Variants in DCC observed in about 807,000 individuals in gnomAD.
DCC encodes netrin receptor DCC.
In DCC, 58 loss-of-function variants were observed where a neutral mutation model predicts 172.5. That is an observed-to-expected ratio of 0.34 (90% CI 0.27 to 0.42). The LOEUF is 0.42. Ranked by LOEUF, DCC falls within the 10% of genes least tolerant of loss-of-function variation. The pLI is 1.00. For missense variants in DCC, 1,740 were observed against 1,791.0 expected, an observed-to-expected ratio of 0.97 and a Z score of 0.51; for synonymous variants, 709 against 644.5, an observed-to-expected ratio of 1.10 and a Z score of -1.52.
chr18:53,122,584 A>G (rs2043498318), intron 7 of DCC, among the ~76,000 whole-genome samples: 1 of 152,040 alleles, frequency 6.6e-6, no homozygotes, highest in African/African-American at 2.4e-5. Flanking sequence ...CTTGGAAAAC[A>G]TGTAGTAAAC....
intron 12 of DCC, among the ~76,000 whole-genome samples, chr18:53,284,831 C>T (rs970413793): frequency 6.6e-6 from 1 of 152,150 alleles, no homozygotes; most frequent in Non-Finnish European, 1.5e-5. Context: ...ACAATGAAAT[C>T]AGGCTGAGGT....
At chr18:53,506,474 A>G (rs1333543231) in intron 27 of DCC, among the ~76,000 whole-genome samples, 1 of 152,202 alleles carries the variant, frequency 6.6e-6, no homozygotes, top group East Asian at 1.9e-4. Context: ...ACTTGAAACC[A>G]CAGCCCTCGG....
At chr18:52,552,145 T>TGATA (rs1314786394) in intron 1 of DCC, among the ~76,000 whole-genome samples, 2 of 151,920 alleles carry the variant, frequency 1.3e-5, no homozygotes, top group Admixed American at 1.3e-4. Context: ...AGTGGCGGAT[T>TGATA]GATAGGTAGG....
rs1430595199 is a variant in DCC, at chr18:53,238,994, T to G, written c.1911+23397T>G. On this transcript the variant is annotated intron_variant, in intron 12 of 28. Transcript: ENST00000442544. ...TCACTCATAGGTGGGAATTGAGCAA[T>G]GAGAACACCTGGACACAGGAAGGGG... Among the ~76,000 whole-genome samples, 8 of 129,420 alleles carry G rather than the reference T, an allele frequency of 6.2e-5. No homozygotes were observed. The Admixed American group carries it at 8.1e-4, about 13-fold the overall frequency. The allele number at this position is 129,420 out of a possible 152,430, so 84.9% of individuals were successfully genotyped here.
At chr18:53,485,374 AT>A (rs1364564323) in intron 25 of DCC, among the ~76,000 whole-genome samples, 1 of 152,054 alleles carries the variant, frequency 6.6e-6, no homozygotes, top group Non-Finnish European at 1.5e-5. Flanking sequence ...AAACCCAACA[AT>A]TTTTTACTGA....
At chr18:53,098,246 A>G (rs766275170) in intron 7 of DCC, among the ~76,000 whole-genome samples, 17 of 152,278 alleles carry the variant, frequency 1.1e-4, no homozygotes, top group Non-Finnish European at 2.4e-4. Flanking sequence ...GAAAAGTTGC[A>G]AGAATACTAC....
At chr18:52,545,459 A>G (rs1568222101) in intron 1 of DCC, among the ~76,000 whole-genome samples, 3 of 152,178 alleles carry the variant, frequency 2.0e-5, no homozygotes, top group African/African-American at 7.2e-5. Flanking sequence ...CACAGCCTCA[A>G]GCCGGTTCAG....
At chr18:52,633,039 A>G (rs1037277729) in intron 1 of DCC, among the ~76,000 whole-genome samples, 8 of 152,222 alleles carry the variant, frequency 5.3e-5, no homozygotes, top group African/African-American at 1.9e-4. Flanking sequence ...AAATAAATAA[A>G]TCAATGAAAA....
chr18:53,332,252 T>C (rs2057536907), intron 14 of DCC, among the ~76,000 whole-genome samples: 1 of 152,128 alleles, frequency 6.6e-6, no homozygotes, highest in Non-Finnish European at 1.5e-5. Flanking sequence ...ACATTCTTTT[T>C]CTATCTAGGC....
chr18:53,214,375 T>G (rs1408092974), intron 11 of DCC, among the ~76,000 whole-genome samples: 1 of 152,176 alleles, frequency 6.6e-6, no homozygotes, highest in Non-Finnish European at 1.5e-5. Context: ...CAGTAAATAT[T>G]AATTGAATGT....
At chr18:53,140,240 T>G (rs1057312756) in intron 7 of DCC, among the ~76,000 whole-genome samples, 1 of 152,206 alleles carries the variant, frequency 6.6e-6, no homozygotes, top group Non-Finnish European at 1.5e-5. Context: ...TTGCTCAGTT[T>G]TAAAATATAT....
At chr18:53,114,258 C>CG (rs1555714374) in intron 7 of DCC, among the ~76,000 whole-genome samples, 1 of 151,146 alleles carries the variant, frequency 6.6e-6, no homozygotes, top group Non-Finnish European at 1.5e-5. Context: ...ACACCCCCCC[C>CG]ACCCCAAGTA....
chr18:52,963,397 G>T (rs759475791), intron 5 of DCC, among the ~76,000 whole-genome samples: 31 of 151,998 alleles, frequency 2.0e-4, no homozygotes, highest in Non-Finnish European at 4.3e-4. Context: ...TACCAAGTGA[G>T]CACATATTTC....
intron 5 of DCC, among the ~76,000 whole-genome samples, chr18:53,017,963 G>A (rs115542825): frequency 2.3e-3 from 347 of 152,254 alleles, no homozygotes; most frequent in African/African-American, 7.2e-3. Context: ...GGTTGCAACA[G>A]CATTTATCAA....
At chr18:52,967,026 T>C (rs1241307621) in intron 5 of DCC, among the ~76,000 whole-genome samples, 1 of 152,138 alleles carries the variant, frequency 6.6e-6, no homozygotes, top group Non-Finnish European at 1.5e-5. Flanking sequence ...CCTATACTAA[T>C]GGTGAGGCAG....
intron 1 of DCC, among the ~76,000 whole-genome samples, chr18:52,506,696 G>A (rs565577537): frequency 1.3e-5 from 2 of 152,130 alleles, no homozygotes; most frequent in East Asian, 1.9e-4. Context: ...TGGAAATAGT[G>A]TCTTTCTACC....
chr18:52,662,646 AAAC>A (rs1255426016), intron 1 of DCC, among the ~76,000 whole-genome samples: 2 of 151,600 alleles, frequency 1.3e-5, no homozygotes, highest in African/African-American at 4.8e-5. Context: ...GAAAAGAAGA[AAAC>A]AAGGGATGGA....
rs80246042 is a variant in DCC at position 53,356,660 on chromosome 18, G to A, written c.2359+16753G>A. Among the ~76,000 whole-genome samples, 280 of 152,186 alleles carry A rather than the reference G, an allele frequency of 1.8e-3. 1 individual carries two copies. The highest frequency in any genetic ancestry group is 6.0e-3 in the African/African-American group (251 of 41,546). On this transcript the variant is annotated intron_variant, in intron 15 of 28. Coordinates refer to ENST00000442544, the MANE Select transcript of DCC (RefSeq NM_005215.4). The stretch of plus-strand genomic sequence containing the variant: ...AACTTTGTTACTATTGAATGGTTTT[G>A]TCCTCAGCCTTGGGAAGTGTCCTCA...
chr18:52,574,862 G>C (rs948305324), intron 1 of DCC, among the ~76,000 whole-genome samples: 2 of 152,118 alleles, frequency 1.3e-5, no homozygotes, highest in Non-Finnish European at 2.9e-5. Flanking sequence ...CCAATAACTT[G>C]TCATATGTGA....
Sources: allele counts gnomAD v4.1 joint callset (sites outside exome capture counted in the v4.1 genomes callset), GRCh38; gene constraint gnomAD v4.1.1; transcripts MANE v1.5; gene names NCBI Gene and HGNC (gene_info 2026-07-23, HGNC 2026-07-21).